The following PKP4 variants were observed in gnomAD, a reference collection of about 807,000 sequenced individuals.
PKP4 encodes the protein plakophilin-4.
A neutral mutation model predicts 145.1 loss-of-function variants in PKP4; 90 were observed. The ratio of observed to expected loss-of-function variants is 0.62; its 90% CI spans 0.52 to 0.74. The LOEUF is 0.74. Among genes scored for constraint, PKP4 ranks in the 30% least tolerant of loss-of-function variants. The pLI, the probability that PKP4 is intolerant of heterozygous loss-of-function variation, is 0.00. For synonymous variants in PKP4, 563 were observed against 577.2 expected, an observed-to-expected ratio of 0.98 and a Z score of 0.35; for missense variants, 1,340 against 1,482.7, an observed-to-expected ratio of 0.90 and a Z score of 1.58.
intron 3 of PKP4, among the ~76,000 whole-genome samples, chr2:158,591,804 T>C (rs974449260): frequency 5.3e-5 from 8 of 152,080 alleles, no homozygotes; most frequent in African/African-American, 1.9e-4. Context: ...GTAATACCTT[T>C]CCTATCAATG....
At position 158,680,762 on chromosome 2, in the gene PKP4, G is replaced by T; in HGVS notation, c.*85G>T. The T allele has an allele frequency of 8.2e-7, 1 of 1,226,822 alleles. No homozygotes were observed. Among genetic ancestry groups the T allele is most frequent in the South Asian group, 1.5e-5 (1 of 64,726 alleles). The allele number at this position is 1,226,822 out of a possible 1,614,324, so 76.0% of individuals were successfully genotyped here. Reference sequence around the variant, plus strand: ...AGTCCATCTTGCTGATTTGATGATTGAAATGTGAAAGTGAAGTGGAAGGAA... The same window carrying T: ...AGTCCATCTTGCTGATTTGATGATTTAAATGTGAAAGTGAAGTGGAAGGAA... On this transcript the variant is annotated 3_prime_UTR_variant, in exon 22 of 22. Coordinates refer to ENST00000389759, the MANE Select transcript of PKP4 (RefSeq NM_003628.6).
intron 1 of PKP4, among the ~76,000 whole-genome samples, chr2:158,489,820 G>T (rs1694686587): frequency 6.6e-6 from 1 of 152,156 alleles, no homozygotes; most frequent in South Asian, 2.1e-4. Context: ...ATTATGTCCA[G>T]CGAAACTCTC....
At chr2:158,620,864 G>A in intron 4 of PKP4, 126 bp from the exon 5 acceptor site, 1 of 727,280 alleles carries the variant, frequency 1.4e-6, no homozygotes, top group Non-Finnish European at 2.3e-6. Flanking sequence ...TGCTGTGTAA[G>A]CTGAAAATAA....
rs1224523868 is a variant in PKP4 at position 158,663,142 on chromosome 2, G to T, written c.2403+54G>T. 7 of 1,526,376 alleles carry T rather than the reference G, an allele frequency of 4.6e-6. No homozygotes were observed. The Admixed American group carries it at 1.4e-4, about 31-fold the overall frequency. The allele number at this position is 1,526,376 out of a possible 1,614,324, so 94.6% of individuals were successfully genotyped here. On this transcript the variant is annotated intron_variant, in intron 14 of 21. Coordinates refer to ENST00000389759, the MANE Select transcript of PKP4 (RefSeq NM_003628.6). ...CAAGTTTAATTTTTCTGGGAGTGAGGAATCACATATTTGGCAAGAAAATAA... is the reference window on the plus strand; with the variant it reads ...CAAGTTTAATTTTTCTGGGAGTGAGTAATCACATATTTGGCAAGAAAATAA...
chr2:158,457,332 C>T (rs549431450), intron 1 of PKP4, 114 bp downstream of exon 1: 20 of 152,126 alleles, frequency 1.3e-4, no homozygotes, highest in Admixed American at 1.3e-3. Context: ...GGGGGCCTCC[C>T]TCCCGCTGCC....
intron 4 of PKP4, among the ~76,000 whole-genome samples, chr2:158,614,660 A>G (rs768404833): frequency 8.5e-5 from 13 of 152,328 alleles, no homozygotes; most frequent in East Asian, 1.9e-4. Flanking sequence ...AAATATTCCA[A>G]AGCCACTTAT....
intron 1 of PKP4, among the ~76,000 whole-genome samples, chr2:158,505,842 GA>G (rs994402049): frequency 1.3e-5 from 2 of 152,074 alleles, no homozygotes; most frequent in African/African-American, 4.8e-5. Flanking sequence ...GCTGTCCCTG[GA>G]AGTACCGGTG....
chr2:158,629,211 G>A (rs747842324), intron 7 of PKP4, among the ~76,000 whole-genome samples: 1 of 152,118 alleles, frequency 6.6e-6, no homozygotes, highest in Non-Finnish European at 1.5e-5. Flanking sequence ...CCCCTCCTTG[G>A]TGTGCTTACC....
At chr2:158,679,708 G>T (rs888768929) in intron 21 of PKP4, among the ~76,000 whole-genome samples, 2 of 152,208 alleles carry the variant, frequency 1.3e-5, no homozygotes, top group African/African-American at 2.4e-5. Flanking sequence ...CCCTGTGTGG[G>T]TGCCCACGTG....
intron 2 of PKP4, among the ~76,000 whole-genome samples, chr2:158,556,231 C>T (rs958093550): frequency 6.6e-6 from 1 of 152,110 alleles, no homozygotes; most frequent in African/African-American, 2.4e-5. Flanking sequence ...ATCTTCATAT[C>T]GGGTAGTTTA....
chr2:158,654,460 G>A lies in PKP4; in HGVS notation c.1910-3671G>A, dbSNP rs190311626. Among the ~76,000 whole-genome samples, 360 of 152,180 alleles carry A rather than the reference G, an allele frequency of 2.4e-3. 2 individuals carry two copies. Among genetic ancestry groups the A allele is most frequent in the Non-Finnish European group, 3.9e-3 (268 of 67,996 alleles). On this transcript the variant is annotated intron_variant, in intron 11 of 21. Transcript: ENST00000389759. ...AGCATAGTCAACTTGTCTACTGAAG[G>A]GTAACATATTTTTTAACAACTTTAT...
At chr2:158,542,772 A>G (rs1559299490) in intron 2 of PKP4, among the ~76,000 whole-genome samples, 1 of 152,090 alleles carries the variant, frequency 6.6e-6, no homozygotes, top group Non-Finnish European at 1.5e-5. Flanking sequence ...TGTTCTCCTT[A>G]CTACTACTAC....
intron 7 of PKP4, among the ~76,000 whole-genome samples, chr2:158,629,443 G>A (rs1340272095): frequency 2.0e-5 from 3 of 152,152 alleles, no homozygotes; most frequent in Admixed American, 2.0e-4. Context: ...ATGAGGTTTG[G>A]CTGGATAATC....
intron 1 of PKP4, among the ~76,000 whole-genome samples, chr2:158,515,599 G>A (rs544606854): frequency 2.0e-5 from 3 of 152,278 alleles, no homozygotes; most frequent in Middle Eastern, 3.4e-3. Context: ...TTCCTTAATA[G>A]ATAAACATCA....
intron 1 of PKP4, among the ~76,000 whole-genome samples, chr2:158,501,578 A>G (rs1696570253): frequency 6.6e-6 from 1 of 152,278 alleles, no homozygotes; most frequent in South Asian, 2.1e-4. Context: ...GCTGAGCTCA[A>G]CTGCAGTGAA....
chr2:158,576,011 T>C (rs2047814527), intron 2 of PKP4, among the ~76,000 whole-genome samples: 1 of 152,180 alleles, frequency 6.6e-6, no homozygotes, highest in Non-Finnish European at 1.5e-5. Context: ...TGTACAGCAT[T>C]ATTGAGCCAG....
intron 2 of PKP4, among the ~76,000 whole-genome samples, chr2:158,551,197 A>G (rs2045592010): frequency 6.6e-6 from 1 of 152,236 alleles, no homozygotes; most frequent in Non-Finnish European, 1.5e-5. Flanking sequence ...TTATAAAAGT[A>G]ATTAGAGCTA....
intron 1 of PKP4, among the ~76,000 whole-genome samples, chr2:158,459,798 CACACACACACACACG>C (rs1196144140): frequency 1.3e-5 from 2 of 151,762 alleles, no homozygotes; most frequent in South Asian, 2.1e-4. Context: ...ATCACACACA[CACACACACACACACG>C]ACACACACAC....
intron 4 of PKP4, 40 bp downstream of exon 4, chr2:158,603,144 C>G (rs2050365254): frequency 1.8e-6 from 2 of 1,097,688 alleles, no homozygotes; most frequent in Middle Eastern, 2.1e-4. Context: ...TTGATAAACA[C>G]AAATTACATA....
Sources: gnomAD v4.1 joint callset for allele counts (sites outside exome capture counted in the v4.1 genomes callset) on GRCh38, gnomAD v4.1.1 for gene constraint, MANE v1.5 for transcripts, NCBI Gene and HGNC (gene_info 2026-07-23, HGNC 2026-07-21) for gene names.